Variants in PCDHGA1 observed in about 807,000 individuals in gnomAD.
The protein encoded by PCDHGA1 is protocadherin gamma-A1.
In PCDHGA1, 32 loss-of-function variants were observed where a neutral mutation model predicts 58.0. The ratio of observed to expected loss-of-function variants is 0.55; its 90% CI spans 0.42 to 0.74. The LOEUF is 0.74. Ranked by LOEUF, PCDHGA1 falls within the 30% of genes least tolerant of loss-of-function variation. PCDHGA1 has a pLI of 0.00. For missense variants in PCDHGA1, 1,205 were observed against 1,182.3 expected, an observed-to-expected ratio of 1.02 and a Z score of -0.28; for synonymous variants, 498 against 501.1, an observed-to-expected ratio of 0.99 and a Z score of 0.08.
Position 141,431,072 on chromosome 5 carries a change from A to G in PCDHGA1, c.2422-63735A>G. On this transcript the variant is annotated intron_variant, in intron 1 of 3. Transcript: ENST00000517417. The surrounding 1 kb of genome is among the most constrained non-coding windows in gnomAD (Gnocchi z 4.8). ...TATGGGGGCCATCAAGTGTCAATTA[A>G]ATCTAGACATTCTGATGGAGGATAA... is the stretch of plus-strand genomic sequence containing the variant. 1 of 1,614,220 alleles carries G rather than the reference A, an allele frequency of 6.2e-7. No individual in the cohort carries two copies. Among genetic ancestry groups the G allele is most frequent in the Non-Finnish European group, 8.5e-7 (1 of 1,180,012 alleles).
chr5:141,460,275 A>G (rs2154566824), intron 1 of PCDHGA1, among the ~76,000 whole-genome samples: 1 of 152,098 alleles, frequency 6.6e-6, no homozygotes, highest in East Asian at 1.9e-4. Context: ...TTTTTCTTTT[A>G]TAGTTTGTAT....
intron 1 of PCDHGA1, chr5:141,372,839 A>G: frequency 6.6e-7 from 1 of 1,524,174 alleles, no homozygotes. Context: ...TCCTTCCATA[A>G]ATATAATTGG....
At chr5:141,389,449 A>C in intron 1 of PCDHGA1, 2 of 1,610,538 alleles carry the variant, frequency 1.2e-6, no homozygotes, top group Non-Finnish European at 1.7e-6. Context: ...GACCACGAGC[A>C]GCTGCGCGCC....
chr5:141,351,156 C>T lies in PCDHGA1; in HGVS notation c.2421+18051C>T, dbSNP rs995856696. On this transcript the variant is annotated intron_variant, in intron 1 of 3. Coordinates refer to ENST00000517417, the MANE Select transcript of PCDHGA1 (RefSeq NM_018912.3). Reference sequence around the variant, plus strand: ...AATCCAAATACTGGCGACATCACAACCAATGGCACATTGGATTTTGAAGAG... The same window carrying T: ...AATCCAAATACTGGCGACATCACAATCAATGGCACATTGGATTTTGAAGAG... 7 of 1,613,902 alleles carry T rather than the reference C, an allele frequency of 4.3e-6. No individual in the cohort carries two copies. The African/African-American group carries it at 5.3e-5, about 12-fold the overall frequency.
At chr5:141,467,455 GCTAGTA>G (rs2099144342) in intron 1 of PCDHGA1, among the ~76,000 whole-genome samples, 1 of 152,192 alleles carries the variant, frequency 6.6e-6, no homozygotes, top group African/African-American at 2.4e-5. Context: ...TTCTTCCAGT[GCTAGTA>G]CTTGCATGGT....
Position 141,489,361 on chromosome 5 carries a change from C to A in PCDHGA1, c.2422-5446C>A. ...TTACTCAGTGGTGGAGGAGTCTGAG[C>A]CGGGGACGCTGGTGGGGAATGTTGC... On this transcript the variant is annotated intron_variant, in intron 1 of 3. Transcript: ENST00000517417. This position sits in a 1 kb window ranked among gnomAD's most constrained non-coding sequence, Gnocchi z 4.5. 1 of 1,612,880 alleles carries A rather than the reference C, an allele frequency of 6.2e-7. No individual in the cohort carries two copies. The highest frequency in any genetic ancestry group is 8.5e-7 in the Non-Finnish European group (1 of 1,179,164).
intron 1 of PCDHGA1, among the ~76,000 whole-genome samples, chr5:141,353,727 G>A (rs1041652885): frequency 3.9e-5 from 6 of 151,998 alleles, no homozygotes; most frequent in African/African-American, 1.5e-4. Context: ...AGATTTCTGA[G>A]GAATTAGTTA....
chr5:141,351,708 T>A (rs758388359), intron 1 of PCDHGA1: 1 of 1,613,718 alleles, frequency 6.2e-7, no homozygotes, highest in Non-Finnish European at 8.5e-7. Flanking sequence ...AACGGCAGAG[T>A]CTCCTACTCT....
chr5:141,410,415 T>C (rs1589759810), intron 1 of PCDHGA1: 1 of 1,614,066 alleles, frequency 6.2e-7, no homozygotes. Flanking sequence ...TCTGGACCTG[T>C]AGTTCCCCCC....
chr5:141,431,092 G>A lies in PCDHGA1; in HGVS notation c.2422-63715G>A. On this transcript the variant is annotated intron_variant, in intron 1 of 3. Coordinates refer to ENST00000517417, the MANE Select transcript of PCDHGA1 (RefSeq NM_018912.3). This position sits in a 1 kb window ranked among gnomAD's most constrained non-coding sequence, Gnocchi z 4.8. ...AATTAAATCTAGACATTCTGATGGAGGATAAAGTGAAAATATATGGAGTAG... is the reference window on the plus strand; with the variant it reads ...AATTAAATCTAGACATTCTGATGGAAGATAAAGTGAAAATATATGGAGTAG... 1 of 1,614,252 alleles carries A rather than the reference G, an allele frequency of 6.2e-7. No individual in the cohort carries two copies. The highest frequency in any genetic ancestry group is 1.1e-5 in the South Asian group (1 of 91,090).
chr5:141,418,954 T>C (rs1490406390), intron 1 of PCDHGA1: 2 of 1,613,914 alleles, frequency 1.2e-6, no homozygotes, highest in Admixed American at 1.7e-5. Flanking sequence ...CAGGAGTGGT[T>C]GTTGCCCTCT....
chr5:141,383,698 A>G lies in PCDHGA1; in HGVS notation c.2421+50593A>G, dbSNP rs376903516. 5.0e-6 allele frequency: 8 copies of G among 1,614,026 alleles called. No homozygotes were observed. Among genetic ancestry groups the G allele is most frequent in the South Asian group, 1.1e-5 (1 of 91,088 alleles). On this transcript the variant is annotated intron_variant, in intron 1 of 3. Transcript: ENST00000517417. ...TACAAGACTGCTCACGGTACATGCTATCGACCTGGACGAGGGAGTCAATGG... is the reference window on the plus strand; with the variant it reads ...TACAAGACTGCTCACGGTACATGCTGTCGACCTGGACGAGGGAGTCAATGG...
rs745716373 is a variant in PCDHGA1, at chr5:141,383,166, G to A, written c.2421+50061G>A. 10 of 1,614,130 alleles carry A rather than the reference G, an allele frequency of 6.2e-6. No individual in the cohort carries two copies. In the Admixed American group the frequency reaches 1.3e-4, roughly 22 times the overall value. On this transcript the variant is annotated intron_variant, in intron 1 of 3. Coordinates refer to ENST00000517417, the MANE Select transcript of PCDHGA1 (RefSeq NM_018912.3). ...GCGGCAGCTTGGTCACTGCGGGCAG[G>A]ATAGACCGGGAAGAGATCTGCGCTC...
chr5:141,361,828 C>T, intron 1 of PCDHGA1: 1 of 1,613,014 alleles, frequency 6.2e-7, no homozygotes, highest in Non-Finnish European at 8.5e-7. Flanking sequence ...GGTGCTGTAC[C>T]CCGCGCTGGG....
rs758599120 is a variant in PCDHGA1 at position 141,414,165 on chromosome 5, A to G, written c.2422-80642A>G. On this transcript the variant is annotated intron_variant, in intron 1 of 3. Transcript: ENST00000517417. The stretch of plus-strand genomic sequence containing the variant: ...AAATACAAGCAGAAGATGGAGGAGC[A>G]TATCTTGCAACTGCAAAAGTGTTGA... 8 of 1,604,890 alleles carry G rather than the reference A, an allele frequency of 5.0e-6. No homozygotes were observed. The highest frequency in any genetic ancestry group is 2.2e-5 in the South Asian group (2 of 89,922).
chr5:141,428,293 C>T, intron 1 of PCDHGA1: 1 of 716,436 alleles, frequency 1.4e-6, no homozygotes, highest in South Asian at 1.6e-5. Context: ...AGCAAAGCTG[C>T]AGATTTACCT....
chr5:141,361,426 C>T lies in PCDHGA1; in HGVS notation c.2421+28321C>T, dbSNP rs763880650. 8.7e-6 allele frequency: 14 copies of T among 1,614,034 alleles called. No individual in the cohort carries two copies. The Admixed American group carries it at 2.3e-4, about 27-fold the overall frequency. The stretch of plus-strand genomic sequence containing the variant: ...CACAGCCACCGACGGGGGCAAGCCG[C>T]CCCTCTCCTCCAGCATAATTGTCAC... On this transcript the variant is annotated intron_variant, in intron 1 of 3. Transcript: ENST00000517417.
chr5:141,366,705 T>C, intron 1 of PCDHGA1: 2 of 1,614,234 alleles, frequency 1.2e-6, no homozygotes, highest in East Asian at 2.2e-5. Context: ...GAGCCTCTTC[T>C]GATGTCTGAT....
chr5:141,410,835 T>C (rs1360836957), intron 1 of PCDHGA1: 2 of 490,228 alleles, frequency 4.1e-6, no homozygotes, highest in Admixed American at 4.0e-5. Context: ...AGACTGAAGA[T>C]ATTTTGTCTT....
Sources: allele counts gnomAD v4.1 joint callset (sites outside exome capture counted in the v4.1 genomes callset), GRCh38; gene constraint gnomAD v4.1.1; non-coding constraint Gnocchi (gnomAD v3.1); transcripts MANE v1.5; gene names NCBI Gene and HGNC (gene_info 2026-07-23, HGNC 2026-07-21).